The following MAF variants were observed in gnomAD, a reference collection of about 807,000 sequenced individuals.
MAF encodes MAF bZIP transcription factor.
In MAF, 10 loss-of-function variants were observed where a neutral mutation model predicts 22.0. The ratio of observed to expected loss-of-function variants is 0.45; its 90% confidence interval spans 0.28 to 0.77. MAF has a LOEUF of 0.77. Among genes scored for constraint, MAF ranks in the 30% least tolerant of loss-of-function variants. MAF has a pLI of 0.12. For missense variants in MAF, 544 were observed against 548.4 expected (o/e 0.99, Z 0.08); for synonymous variants, 337 against 255.8 (o/e 1.32, Z -3.03).
the MAF span, among the ~76,000 whole-genome samples, chr16:79,232,947 T>G: frequency 6.6e-6 from 1 of 150,884 alleles, no homozygotes; most frequent in African/African-American, 2.4e-5. Context: ...TTCACGCCAT[T>G]CTCCTGCCTC....
chr16:79,322,891 C>T, the MAF span, among the ~76,000 whole-genome samples: 1 of 151,932 alleles, frequency 6.6e-6, no homozygotes, highest in Non-Finnish European at 1.5e-5. Flanking sequence ...TGGCTCACGC[C>T]TGTAATCCCA....
chr16:79,465,409 A>G, the MAF span, among the ~76,000 whole-genome samples: 2 of 152,168 alleles, frequency 1.3e-5, no homozygotes, highest in Admixed American at 6.5e-5. Flanking sequence ...ACTGGGCAAC[A>G]TGGCAAGACC....
chr16:79,443,538 G>A, the MAF span, among the ~76,000 whole-genome samples: 39 of 152,314 alleles, frequency 2.6e-4, no homozygotes, highest in African/African-American at 8.7e-4. Flanking sequence ...CCTTATGAGG[G>A]TTGATTTAGT....
the MAF span, among the ~76,000 whole-genome samples, chr16:79,483,765 C>A: frequency 2.0e-5 from 3 of 152,136 alleles, no homozygotes; most frequent in African/African-American, 7.2e-5. Flanking sequence ...GCTTCTGGGG[C>A]TGGATAAGCA....
the MAF span, among the ~76,000 whole-genome samples, chr16:79,225,399 C>G: frequency 2.0e-5 from 3 of 152,020 alleles, no homozygotes; most frequent in African/African-American, 7.2e-5. Flanking sequence ...GACCTAAAAC[C>G]ATAAAAACCC....
At chr16:79,292,933 G>C in the MAF span, among the ~76,000 whole-genome samples, 4 of 152,086 alleles carry the variant, frequency 2.6e-5, no homozygotes, top group Non-Finnish European at 5.9e-5. Context: ...CCCTATAATG[G>C]TCTAAAAGGG....
the MAF span, among the ~76,000 whole-genome samples, chr16:79,362,429 G>A: frequency 1.3e-5 from 2 of 152,124 alleles, no homozygotes; most frequent in Non-Finnish European, 2.9e-5. Flanking sequence ...TTTTGTTGTT[G>A]CTGAGAAGGT....
the MAF span, among the ~76,000 whole-genome samples, chr16:79,293,135 C>T: frequency 6.6e-6 from 1 of 152,236 alleles, no homozygotes; most frequent in Non-Finnish European, 1.5e-5. Flanking sequence ...TTCACTTTAC[C>T]CTATGGACTG....
the MAF span, among the ~76,000 whole-genome samples, chr16:79,517,614 AC>A: frequency 7.6e-6 from 1 of 131,906 alleles, no homozygotes; most frequent in Admixed American, 8.7e-5. Flanking sequence ...TCGCTCTATT[AC>A]CCAGACTGGA....
the MAF span, among the ~76,000 whole-genome samples, chr16:79,498,846 C>A: frequency 1.3e-5 from 2 of 152,130 alleles, no homozygotes; most frequent in Admixed American, 1.3e-4. Flanking sequence ...ATTTTTTTAT[C>A]CATCCATTCT....
chr16:79,522,600 G>A, the MAF span, among the ~76,000 whole-genome samples: 2 of 152,104 alleles, frequency 1.3e-5, no homozygotes, highest in African/African-American at 2.4e-5. Context: ...CTCAAGCCAG[G>A]GAGACAAATG....
chr16:79,553,667 G>A, the MAF span, among the ~76,000 whole-genome samples: 2 of 152,234 alleles, frequency 1.3e-5, no homozygotes, highest in African/African-American at 2.4e-5. Context: ...GGGAAGGCTG[G>A]AAGTTCTCAG....
chr16:79,521,918 G>A, the MAF span, among the ~76,000 whole-genome samples: 1 of 152,126 alleles, frequency 6.6e-6, no homozygotes, highest in Non-Finnish European at 1.5e-5. Context: ...CTGGGCTCTG[G>A]GGAAATAAAG....
chr16:79,448,029 A>G, the MAF span, among the ~76,000 whole-genome samples: 1 of 152,196 alleles, frequency 6.6e-6, no homozygotes, highest in Non-Finnish European at 1.5e-5. Flanking sequence ...TGTCTTCCTG[A>G]GATGGAATCA....
At chr16:79,239,876 T>C in the MAF span, among the ~76,000 whole-genome samples, 1 of 152,028 alleles carries the variant, frequency 6.6e-6, no homozygotes, top group South Asian at 2.1e-4. Flanking sequence ...AGCACAGCCC[T>C]CAACTTTAGA....
chr16:79,524,104 C>T, the MAF span, among the ~76,000 whole-genome samples: 2 of 152,212 alleles, frequency 1.3e-5, no homozygotes, highest in Non-Finnish European at 2.9e-5. Context: ...TTTGAAGGGA[C>T]TCACTGGCAT....
At chr16:79,461,960 G>A in the MAF span, among the ~76,000 whole-genome samples, 65 of 152,304 alleles carry the variant, frequency 4.3e-4, 2 homozygotes, top group East Asian at 0.013. Context: ...GAAGCCCAGT[G>A]TATTGCTCCA....
chr16:79,439,260 T>A, the MAF span, among the ~76,000 whole-genome samples: 2 of 145,024 alleles, frequency 1.4e-5, no homozygotes, highest in African/African-American at 5.2e-5. Flanking sequence ...GTACTTACTT[T>A]TTTTTTTTTT....
chr16:79,244,713 A>C, the MAF span, among the ~76,000 whole-genome samples: 1 of 152,040 alleles, frequency 6.6e-6, no homozygotes, highest in Non-Finnish European at 1.5e-5. Context: ...ATTAGAAAAA[A>C]CTACCTTAAA....
Sources: allele counts gnomAD v4.1 joint callset (sites outside exome capture counted in the v4.1 genomes callset), GRCh38; gene constraint gnomAD v4.1.1; transcripts MANE v1.5; gene names NCBI Gene and HGNC (gene_info 2026-07-23, HGNC 2026-07-21).